REEP5: variants seen among roughly 807,000 people sequenced by gnomAD.
REEP5 encodes receptor expression-enhancing protein 5.
In REEP5, 24 loss-of-function variants were observed where a neutral mutation model predicts 22.4. The ratio of observed to expected loss-of-function variants is 1.07; its 90% confidence interval spans 0.78 to 1.51. The LOEUF is 1.51. REEP5 is among the 40% of genes most tolerant of loss of function. The pLI, the probability that REEP5 is intolerant of heterozygous loss-of-function variation, is 0.00. For missense variants in REEP5, 252 were observed against 233.0 expected, an observed-to-expected ratio of 1.08 and a Z score of -0.53; for synonymous variants, 103 against 88.6, an observed-to-expected ratio of 1.16 and a Z score of -0.92.
intron 3 of REEP5, chr5:112,891,783 C>T: frequency 1.9e-6 from 3 of 1,612,974 alleles, no homozygotes; most frequent in Non-Finnish European, 2.5e-6. Context: ...ACTCAGGACT[C>T]TCACAGGAGG....
intron 3 of REEP5, among the ~76,000 whole-genome samples, chr5:112,901,536 C>T (rs766912454): frequency 6.6e-6 from 1 of 151,940 alleles, no homozygotes; most frequent in Non-Finnish European, 1.5e-5. Context: ...TGGTGAAACT[C>T]TTTCTCTACC....
rs796643232 is a variant in REEP5, at chr5:112,916,372, T to C, written c.212+4791A>G. Among the ~76,000 whole-genome samples the C allele has an allele frequency of 3.3e-5, 5 of 152,370 alleles. No individual in the cohort carries two copies. The East Asian group carries it at 5.8e-4, about 18-fold the overall frequency. ...CTTGAAACAGAACTAAAGGCAACGC[T>C]GCATCCCCTTAGGAAATCCAGTTCA... On this transcript the variant is annotated intron_variant, in intron 2 of 4. Coordinates refer to ENST00000379638, the MANE Select transcript of REEP5 (RefSeq NM_005669.5).
chr5:112,899,299 G>C (rs1476992298), intron 3 of REEP5, among the ~76,000 whole-genome samples: 1 of 150,888 alleles, frequency 6.6e-6, no homozygotes, highest in Non-Finnish European at 1.5e-5. Context: ...TGATCTGGGA[G>C]CCTGGTTAAT....
intron 3 of REEP5, among the ~76,000 whole-genome samples, chr5:112,890,964 A>G (rs1768423938): frequency 6.6e-6 from 1 of 150,974 alleles, no homozygotes; most frequent in Non-Finnish European, 1.5e-5. Context: ...TGACCCAAGA[A>G]TACTGTGTTT....
intron 2 of REEP5, among the ~76,000 whole-genome samples, chr5:112,918,639 T>C (rs772895874): frequency 2.6e-5 from 4 of 152,174 alleles, no homozygotes; most frequent in Admixed American, 6.5e-5. Flanking sequence ...ATATAAATCG[T>C]ATCATGTCAC....
At chr5:112,889,302 A>T (rs1161309073) in intron 3 of REEP5, among the ~76,000 whole-genome samples, 1 of 150,988 alleles carries the variant, frequency 6.6e-6, no homozygotes, top group Non-Finnish European at 1.5e-5. Context: ...CTATAGCTGT[A>T]TGCTTAAGAA....
At chr5:112,883,796 C>G (rs1238548361) in intron 4 of REEP5, among the ~76,000 whole-genome samples, 6 of 152,138 alleles carry the variant, frequency 3.9e-5, no homozygotes, top group Non-Finnish European at 8.8e-5. Flanking sequence ...CCACAACCTC[C>G]CACCCCAACA....
intron 3 of REEP5, among the ~76,000 whole-genome samples, chr5:112,888,562 T>TGTC (rs1332131016): frequency 7.1e-6 from 1 of 141,504 alleles, no homozygotes; most frequent in Non-Finnish European, 1.5e-5. Flanking sequence ...TGGGAATGAC[T>TGTC]GCAGGCATGA....
intron 2 of REEP5, among the ~76,000 whole-genome samples, chr5:112,912,616 A>ACCT: frequency 6.6e-6 from 1 of 152,164 alleles, no homozygotes; most frequent in Non-Finnish European, 1.5e-5. Context: ...AGAGGTTAAG[A>ACCT]TAGGTTCTTT....
chr5:112,902,747 C>G (rs924362833), intron 2 of REEP5, among the ~76,000 whole-genome samples: 8 of 152,102 alleles, frequency 5.3e-5, no homozygotes, highest in African/African-American at 1.7e-4. Context: ...GAAACCAGCA[C>G]CAGCTGTTAC....
At chr5:112,894,117 T>G (rs1768599133) in intron 3 of REEP5, 1 of 105,800 alleles carries the variant, frequency 9.5e-6, no homozygotes, top group East Asian at 2.2e-4. Flanking sequence ...TTTTTTTGGT[T>G]TTTTTTGTTT....
At chr5:112,914,578 TG>T (rs1397194937) in intron 2 of REEP5, among the ~76,000 whole-genome samples, 1 of 152,198 alleles carries the variant, frequency 6.6e-6, no homozygotes, top group African/African-American at 2.4e-5. Flanking sequence ...CAAATCCCAC[TG>T]GGACAACCCT....
At chr5:112,884,304 T>C (rs1768164971) in intron 4 of REEP5, among the ~76,000 whole-genome samples, 2 of 152,154 alleles carry the variant, frequency 1.3e-5, no homozygotes, top group Admixed American at 1.3e-4. Flanking sequence ...ATCACTTCTT[T>C]TGTTGCTCCC....
chr5:112,902,676 G>A (rs1208740471), intron 2 of REEP5, among the ~76,000 whole-genome samples, 158 bp from the exon 3 acceptor site: 1 of 152,098 alleles, frequency 6.6e-6, no homozygotes, highest in Non-Finnish European at 1.5e-5. Flanking sequence ...AAGACTGGAA[G>A]CAATGTGGAT....
chr5:112,888,991 T>C (rs1412387359), intron 3 of REEP5, among the ~76,000 whole-genome samples: 1 of 150,964 alleles, frequency 6.6e-6, no homozygotes, highest in Non-Finnish European at 1.5e-5. Context: ...GTGATAGTTT[T>C]ATAAGGAGTT....
chr5:112,886,025 A>G (rs985859473), intron 4 of REEP5, among the ~76,000 whole-genome samples: 1 of 152,210 alleles, frequency 6.6e-6, no homozygotes. Flanking sequence ...CTTCAGCGAC[A>G]TGGCCTCTCC....
chr5:112,899,976 T>C (rs1464421710), intron 3 of REEP5, among the ~76,000 whole-genome samples: 15 of 152,202 alleles, frequency 9.9e-5, no homozygotes, highest in Admixed American at 9.8e-4. Context: ...ATTTCCAATT[T>C]CAGATGTTCA....
chr5:112,912,582 C>T (rs1769128360), intron 2 of REEP5, among the ~76,000 whole-genome samples: 1 of 152,122 alleles, frequency 6.6e-6, no homozygotes, highest in Non-Finnish European at 1.5e-5. Flanking sequence ...AATGTGGTAA[C>T]TTATGTTTAA....
intron 3 of REEP5, chr5:112,892,882 C>T (rs771259435): frequency 1.3e-5 from 21 of 1,612,376 alleles, no homozygotes; most frequent in African/African-American, 5.4e-5. Context: ...ATCTCACAAA[C>T]GCACATCAAA....
Sources: gnomAD v4.1 joint callset for allele counts (sites outside exome capture counted in the v4.1 genomes callset) on GRCh38, gnomAD v4.1.1 for gene constraint, MANE v1.5 for transcripts, NCBI Gene and HGNC (gene_info 2026-07-23, HGNC 2026-07-21) for gene names.